The following KDM6A variants were observed in gnomAD, a reference collection of about 807,000 sequenced individuals.
KDM6A encodes lysine demethylase 6A.
KDM6A carries 11 observed loss-of-function variants against 117.6 expected under a neutral mutation model. That is an observed-to-expected ratio of 0.09 (90% confidence interval 0.06 to 0.15). The LOEUF is 0.15. Among genes scored for constraint, KDM6A ranks in the 10% least tolerant of loss-of-function variants. KDM6A has a pLI of 1.00. For missense variants in KDM6A, 799 were observed against 1,077.3 expected, an observed-to-expected ratio of 0.74 and a Z score of 3.62; for synonymous variants, 384 against 396.1, an observed-to-expected ratio of 0.97 and a Z score of 0.36.
intron 2 of KDM6A, among the ~76,000 whole-genome samples, chrX:44,946,401 T>C (rs982863653): frequency 8.9e-6 from 1 of 112,173 alleles, no homozygotes; most frequent in Non-Finnish European, 1.9e-5. Context: ...CAGATTTTCC[T>C]CATTAGTATT....
At chrX:44,904,838 A>G (rs754983738) in intron 2 of KDM6A, among the ~76,000 whole-genome samples, 2 of 111,850 alleles carry the variant, frequency 1.8e-5, no homozygotes, top group Admixed American at 1.9e-4. Flanking sequence ...AAAAGCCACA[A>G]AGCTTTCTGT....
At chrX:44,934,529 CT>C (rs1219783171) in intron 2 of KDM6A, among the ~76,000 whole-genome samples, 1 of 111,777 alleles carries the variant, frequency 8.9e-6, no homozygotes, top group Non-Finnish European at 1.9e-5. Flanking sequence ...TGTCTGGAAA[CT>C]TTCGTTCCTC....
At chrX:45,056,758 C>G (rs1409084639) in intron 10 of KDM6A, among the ~76,000 whole-genome samples, 3 of 111,558 alleles carry the variant, frequency 2.7e-5, no homozygotes, top group African/African-American at 9.8e-5. Context: ...TGTATCTGGG[C>G]ACATTGGTTT....
At chrX:44,940,296 C>T (rs777098248) in intron 2 of KDM6A, among the ~76,000 whole-genome samples, 42 of 111,215 alleles carry the variant, frequency 3.8e-4, no homozygotes, top group Non-Finnish European at 6.2e-4. Flanking sequence ...TCAAGTGATC[C>T]GTCCGCCTCA....
intron 27 of KDM6A, among the ~76,000 whole-genome samples, chrX:45,100,256 G>C (rs2046289468): frequency 1.8e-5 from 2 of 111,436 alleles, no homozygotes; most frequent in African/African-American, 6.5e-5. Context: ...TCTGCAGACT[G>C]TTGGTACTGA....
chrX:45,076,851 A>G (rs2045146101), intron 19 of KDM6A, 25 bp downstream of exon 19: 1 of 1,173,843 alleles, frequency 8.5e-7, no homozygotes, highest in African/African-American at 1.8e-5. Flanking sequence ...ACTGACTAGA[A>G]ATAAAACAGT....
intron 2 of KDM6A, among the ~76,000 whole-genome samples, chrX:44,883,161 C>G (rs1272547499): frequency 9.2e-6 from 1 of 108,750 alleles, no homozygotes; most frequent in African/African-American, 3.4e-5. Flanking sequence ...CTCTGCCTCC[C>G]AGGCTCAAGC....
intron 2 of KDM6A, among the ~76,000 whole-genome samples, chrX:44,903,051 A>G (rs1178079512): frequency 3.6e-5 from 4 of 112,077 alleles, no homozygotes; most frequent in African/African-American, 1.3e-4. Flanking sequence ...TTAATCTTGT[A>G]GGGACACATT....
At chrX:45,079,501 ATATGTATGTATGTATG>A (rs72270582) in intron 21 of KDM6A, 150 bp downstream of exon 21, 324 of 424,659 alleles carry the variant, frequency 7.6e-4, no homozygotes, top group South Asian at 3.5e-3. Context: ...TCGTATGTAT[ATATGTATGTATGTATG>A]TATGTATGTA....
chrX:45,004,700 G>A (rs764590895), intron 4 of KDM6A, among the ~76,000 whole-genome samples: 2 of 111,336 alleles, frequency 1.8e-5, no homozygotes, highest in Non-Finnish European at 3.8e-5. Context: ...GTCTCTCTTA[G>A]ATCCTGCATA....
At chrX:45,028,272 A>G (rs1388144860) in intron 6 of KDM6A, among the ~76,000 whole-genome samples, 1 of 112,329 alleles carries the variant, frequency 8.9e-6, no homozygotes, top group African/African-American at 3.2e-5. Flanking sequence ...AATACATACT[A>G]TTTTTGGATA....
intron 3 of KDM6A, among the ~76,000 whole-genome samples, chrX:44,963,483 G>GTCTGTCTGTC (rs1556012410): frequency 2.9e-4 from 12 of 40,889 alleles, no homozygotes; most frequent in African/African-American, 7.5e-4. Flanking sequence ...GTGTGTGTGT[G>GTCTGTCTGTC]TGTCTGTCTG....
intron 21 of KDM6A, among the ~76,000 whole-genome samples, chrX:45,080,111 A>C (rs1415672478): frequency 9.0e-6 from 1 of 111,260 alleles, no homozygotes; most frequent in Non-Finnish European, 1.9e-5. Flanking sequence ...CCTGAAGGGC[A>C]CATTCACTCC....
chrX:45,010,409 T>G (rs1224670132), intron 4 of KDM6A, among the ~76,000 whole-genome samples: 4 of 111,231 alleles, frequency 3.6e-5, no homozygotes, highest in African/African-American at 6.5e-5. Flanking sequence ...GAGGTCAAAG[T>G]TAGTCAGGAT....
chrX:44,981,212 T>C (rs752392239), intron 4 of KDM6A, among the ~76,000 whole-genome samples: 10 of 111,921 alleles, frequency 8.9e-5, no homozygotes, highest in Middle Eastern at 4.6e-3. Flanking sequence ...GAGTGAGAGC[T>C]AAGTCCCACA....
intron 19 of KDM6A, among the ~76,000 whole-genome samples, chrX:45,077,763 CTT>C (rs1569537155): frequency 9.0e-6 from 1 of 111,179 alleles, no homozygotes; most frequent in African/African-American, 3.3e-5. Flanking sequence ...CTTTTCCTCT[CTT>C]ATATTGTGAT....
chrX:45,037,549 A>G, intron 7 of KDM6A, 106 bp from the exon 8 acceptor site: 2 of 617,511 alleles, frequency 3.2e-6, no homozygotes, highest in Non-Finnish European at 2.8e-6. Flanking sequence ...TTAAATCTAT[A>G]TAGTGTAGAC....
intron 25 of KDM6A, among the ~76,000 whole-genome samples, chrX:45,087,068 G>A (rs2045669848): frequency 8.9e-6 from 1 of 112,823 alleles, no homozygotes; most frequent in African/African-American, 3.2e-5. Flanking sequence ...TCAGCTTACT[G>A]CAGCCTCCGC....
chrX:45,089,852 A>G lies in KDM6A; in HGVS notation c.3814A>G (p.Ile1272Val). The G allele has an allele frequency of 1.7e-6, 2 of 1,211,154 alleles. No individual in the cohort carries two copies. The highest frequency in any genetic ancestry group is 2.2e-6 in the Non-Finnish European group (2 of 894,891). ...FIQRPGDLVW[I>V]NAGTVHWVQA... Reference sequence around the variant, plus strand: ...TCAGCGACCTGGAGATTTGGTCTGGATAAATGCAGGCACTGTTCATTGGGT... The same window carrying G: ...TCAGCGACCTGGAGATTTGGTCTGGGTAAATGCAGGCACTGTTCATTGGGT... The change falls in exon 26 of 30, where the codon ATA (isoleucine) becomes GTA (valine). Residue 1272 changes from isoleucine to valine, a missense_variant. Transcript: ENST00000611820.
Sources: allele counts gnomAD v4.1 joint callset (sites outside exome capture counted in the v4.1 genomes callset), GRCh38; gene constraint gnomAD v4.1.1; transcripts MANE v1.5; gene names NCBI Gene and HGNC (gene_info 2026-07-23, HGNC 2026-07-21).